The following TAFA4 variants were observed in gnomAD, a reference collection of about 807,000 sequenced individuals.
TAFA4 encodes the protein chemokine-like protein TAFA-4.
TAFA4 carries 20 observed loss-of-function variants against 21.1 expected under a neutral mutation model. That is an observed-to-expected ratio of 0.95 (90% CI 0.67 to 1.38). The LOEUF is 1.38. Among genes scored for constraint, TAFA4 ranks in the 40% most tolerant of loss-of-function variants. TAFA4 has a pLI of 0.00. For missense variants in TAFA4, 211 were observed against 180.9 expected (o/e 1.17, Z -0.95); for synonymous variants, 71 against 67.4 (o/e 1.05, Z -0.26).
At chr3:68,754,155 A>G (rs1702615066) in intron 3 of TAFA4, among the ~76,000 whole-genome samples, 1 of 152,242 alleles carries the variant, frequency 6.6e-6, no homozygotes, top group African/African-American at 2.4e-5. Flanking sequence ...TGTATTTTCT[A>G]AAAACAAAGA....
intron 3 of TAFA4, among the ~76,000 whole-genome samples, chr3:68,871,890 G>T (rs974328129): frequency 2.6e-5 from 4 of 151,990 alleles, no homozygotes; most frequent in African/African-American, 9.7e-5. Context: ...TTATCAAAAA[G>T]ACAAAAAATA....
chr3:68,746,790 T>G (rs78828431), intron 4 of TAFA4, among the ~76,000 whole-genome samples: 2,684 of 152,296 alleles, frequency 0.018, 78 homozygotes, highest in African/African-American at 0.062. Flanking sequence ...AATCTACGTT[T>G]GTCCTCTCTA....
In TAFA4 at chr3:68,731,771, T is replaced by G. The variant is rs1410718509; in HGVS notation, c.*1371A>C. Reference sequence around the variant, plus strand: ...AATAATCACAAAAACATGTATGCCATCAGCAGGATGAATTTTTTTACTTAT... The same window carrying G: ...AATAATCACAAAAACATGTATGCCAGCAGCAGGATGAATTTTTTTACTTAT... On this transcript the variant is annotated 3_prime_UTR_variant, in exon 6 of 6. Coordinates refer to ENST00000295569, the MANE Select transcript of TAFA4 (RefSeq NM_182522.5). 1 of 152,122 alleles carries G rather than the reference T, an allele frequency of 6.6e-6. No individual in the cohort carries two copies. The highest frequency in any genetic ancestry group is 1.5e-5 in the Non-Finnish European group (1 of 68,012). The allele number at this position is 152,122 out of a possible 1,614,324, so 9.4% of individuals were successfully genotyped here.
chr3:68,785,782 CGA>C (rs902577576), intron 3 of TAFA4, among the ~76,000 whole-genome samples: 36 of 149,742 alleles, frequency 2.4e-4, no homozygotes, highest in Non-Finnish European at 7.4e-5. Context: ...GAGGAGGTGC[CGA>C]GAGTGAGCGA....
chr3:68,844,881 G>T (rs1446372122), intron 3 of TAFA4, among the ~76,000 whole-genome samples: 1 of 152,212 alleles, frequency 6.6e-6, no homozygotes, highest in Non-Finnish European at 1.5e-5. Flanking sequence ...TGGTCTGAGA[G>T]AATGTTTGTT....
chr3:68,916,546 C>T (rs1217568636), intron 1 of TAFA4, among the ~76,000 whole-genome samples: 1 of 152,198 alleles, frequency 6.6e-6, no homozygotes, highest in Admixed American at 6.5e-5. Context: ...AAACTAGGTC[C>T]CAACTTCATT....
Position 68,869,962 on chromosome 3 carries a change from A to G in TAFA4, c.130+10768T>C, listed in dbSNP as rs143445293. Among the ~76,000 whole-genome samples the G allele has an allele frequency of 6.8e-3, 1,038 of 152,272 alleles. 10 individuals are homozygous for G. The highest frequency in any genetic ancestry group is 0.024 in the African/African-American group (997 of 41,580). ...CATGACATTACATTTAGAAAAGCCTAAAGATTCCAACAAAAAACACTGAGA... is the reference window on the plus strand; with the variant it reads ...CATGACATTACATTTAGAAAAGCCTGAAGATTCCAACAAAAAACACTGAGA... On this transcript the variant is annotated intron_variant, in intron 3 of 5. Coordinates refer to ENST00000295569, the MANE Select transcript of TAFA4 (RefSeq NM_182522.5).
At chr3:68,915,146 C>A (rs115616845) in intron 1 of TAFA4, among the ~76,000 whole-genome samples, 4 of 152,122 alleles carry the variant, frequency 2.6e-5, no homozygotes, top group Non-Finnish European at 5.9e-5. Context: ...TGTTCTAATT[C>A]TTTCGTACTA....
intron 3 of TAFA4, among the ~76,000 whole-genome samples, chr3:68,822,517 C>A (rs918892203): frequency 6.6e-6 from 1 of 152,128 alleles, no homozygotes; most frequent in Non-Finnish European, 1.5e-5. Context: ...GTCACCCAGG[C>A]TAAAGTGCAG....
At chr3:68,875,157 G>C (rs1474258148) in intron 3 of TAFA4, among the ~76,000 whole-genome samples, 1 of 151,952 alleles carries the variant, frequency 6.6e-6, no homozygotes, top group Non-Finnish European at 1.5e-5. Context: ...CTATGTCATA[G>C]CAAGACTGAA....
intron 3 of TAFA4, among the ~76,000 whole-genome samples, chr3:68,762,800 A>T (rs1461372857): frequency 2.0e-5 from 3 of 152,238 alleles, no homozygotes; most frequent in African/African-American, 7.2e-5. Flanking sequence ...GCACTGTGGG[A>T]GACTGAGGCA....
intron 3 of TAFA4, among the ~76,000 whole-genome samples, chr3:68,806,428 A>T (rs1276590047): frequency 6.6e-6 from 1 of 152,188 alleles, no homozygotes; most frequent in African/African-American, 2.4e-5. Context: ...TTATCATTCT[A>T]TGTTACATAT....
intron 1 of TAFA4, among the ~76,000 whole-genome samples, chr3:68,920,358 T>C (rs1296812956): frequency 6.6e-6 from 1 of 152,272 alleles, no homozygotes; most frequent in Non-Finnish European, 1.5e-5. Flanking sequence ...TATATTTTGA[T>C]ATTTTCACAT....
chr3:68,854,271 G>C (rs1009605537), intron 3 of TAFA4, among the ~76,000 whole-genome samples: 5 of 151,976 alleles, frequency 3.3e-5, no homozygotes, highest in Non-Finnish European at 7.4e-5. Flanking sequence ...GGCTCGTGTG[G>C]CTGAAACAAG....
intron 1 of TAFA4, among the ~76,000 whole-genome samples, chr3:68,930,227 C>T (rs1416507364): frequency 6.6e-6 from 1 of 151,944 alleles, no homozygotes; most frequent in Non-Finnish European, 1.5e-5. Flanking sequence ...TTCAAGTGAC[C>T]TAGGATATTC....
intron 3 of TAFA4, among the ~76,000 whole-genome samples, chr3:68,807,829 C>A (rs1270673791): frequency 1.3e-5 from 2 of 151,022 alleles, no homozygotes; most frequent in African/African-American, 4.9e-5. Flanking sequence ...CTTTGCTGAG[C>A]TGCATTTGAA....
intron 3 of TAFA4, among the ~76,000 whole-genome samples, chr3:68,804,626 C>A (rs138203099): frequency 1.3e-5 from 2 of 152,146 alleles, no homozygotes; most frequent in Admixed American, 1.3e-4. Flanking sequence ...TGGAAGAGAA[C>A]AGAGGCCTCA....
chr3:68,732,447 T>C lies in TAFA4; in HGVS notation c.*695A>G, dbSNP rs1702165977. On this transcript the variant is annotated 3_prime_UTR_variant, in exon 6 of 6. Transcript: ENST00000295569. The stretch of plus-strand genomic sequence containing the variant: ...GAGCTTTGGTTATAAAATATTGGAA[T>C]TGATATGCTTCCTTAGCACTCAGTA... 6.6e-6 allele frequency: 1 copy of C among 152,600 alleles called. No homozygotes were observed. Among genetic ancestry groups the C allele is most frequent in the Non-Finnish European group, 1.5e-5 (1 of 68,014 alleles). The allele number at this position is 152,600 out of a possible 1,614,324, so 9.5% of individuals were successfully genotyped here.
intron 4 of TAFA4, among the ~76,000 whole-genome samples, chr3:68,744,460 GAGA>G (rs1279834259): frequency 1.3e-5 from 2 of 152,224 alleles, no homozygotes; most frequent in Non-Finnish European, 2.9e-5. Flanking sequence ...AGAAGAGTTT[GAGA>G]AGAACAAACT....
Sources: gnomAD v4.1 joint callset for allele counts (sites outside exome capture counted in the v4.1 genomes callset) on GRCh38, gnomAD v4.1.1 for gene constraint, MANE v1.5 for transcripts, NCBI Gene and HGNC (gene_info 2026-07-23, HGNC 2026-07-21) for gene names.